The following TRIM14 variants were observed in gnomAD, a reference collection of about 807,000 sequenced individuals.
The protein encoded by TRIM14 is tripartite motif containing 14.
TRIM14 carries 28 observed loss-of-function variants against 44.5 expected under a neutral mutation model. The ratio of observed to expected loss-of-function variants is 0.63; its 90% CI spans 0.47 to 0.86. The LOEUF (loss-of-function observed/expected upper bound fraction) is 0.86. TRIM14 is among the 40% of genes least tolerant of loss of function. The pLI is 0.00. For synonymous variants in TRIM14, 299 were observed against 269.2 expected, an observed-to-expected ratio of 1.11 and a Z score of -1.08; for missense variants, 607 against 611.1, an observed-to-expected ratio of 0.99 and a Z score of 0.07.
intron 2 of TRIM14, among the ~76,000 whole-genome samples, chr9:98,104,174 G>A (rs1398259860): frequency 6.6e-6 from 1 of 152,186 alleles, no homozygotes; most frequent in Non-Finnish European, 1.5e-5. Flanking sequence ...CATTTTTATG[G>A]TTGCAATGGG....
the TRIM14 span, among the ~76,000 whole-genome samples, chr9:98,049,295 T>C: frequency 1.6e-5 from 2 of 128,076 alleles, no homozygotes; most frequent in African/African-American, 3.2e-5. Flanking sequence ...TGAGCCAAGA[T>C]TGCACCACTA....
At chr9:98,069,867 G>A (rs1007588247) in intron 6 of TRIM14, among the ~76,000 whole-genome samples, 2 of 152,128 alleles carry the variant, frequency 1.3e-5, no homozygotes, top group African/African-American at 4.8e-5. Flanking sequence ...GGGTAAAATT[G>A]CATATAATTA....
At chr9:98,065,176 C>T (rs1174988944), downstream of TRIM14, among the ~76,000 whole-genome samples, 1 of 152,158 alleles carries the variant, frequency 6.6e-6, no homozygotes, top group Non-Finnish European at 1.5e-5. Flanking sequence ...GGCGTACTCA[C>T]AGCCCAGGAG....
At chr9:98,102,422 A>G (rs928575760) in intron 2 of TRIM14, among the ~76,000 whole-genome samples, 5 of 152,186 alleles carry the variant, frequency 3.3e-5, no homozygotes, top group Non-Finnish European at 4.4e-5. Flanking sequence ...ATTTGGCACA[A>G]TTTTCAATAT....
At position 98,100,183 on chromosome 9, in the gene TRIM14, G is replaced by T. The variant is rs1238550456; in HGVS notation, c.304-19C>A. On this transcript the variant is annotated intron_variant, in intron 2 of 5. Coordinates refer to ENST00000341469, the MANE Select transcript of TRIM14 (RefSeq NM_014788.4). Reference sequence around the variant, plus strand: ...CATTAGCCTAAAAACAGAAAAACCAGTTGCAGATGACATGTCTGCCAACCA... The same window carrying T: ...CATTAGCCTAAAAACAGAAAAACCATTTGCAGATGACATGTCTGCCAACCA... The T allele has an allele frequency of 6.2e-7, 1 of 1,604,790 alleles. No homozygotes were observed. The highest frequency in any genetic ancestry group is 8.5e-7 in the Non-Finnish European group (1 of 1,171,802).
intron 2 of TRIM14, among the ~76,000 whole-genome samples, chr9:98,102,380 C>A (rs1051357543): frequency 6.6e-6 from 1 of 152,202 alleles, no homozygotes; most frequent in African/African-American, 2.4e-5. Flanking sequence ...TTCCCCTGTG[C>A]ACCAGCCTCA....
At chr9:98,037,313 G>A in the TRIM14 span, among the ~76,000 whole-genome samples, 1 of 152,222 alleles carries the variant, frequency 6.6e-6, no homozygotes, top group African/African-American at 2.4e-5. Context: ...AGGAGGTGGA[G>A]GTTGCAGTGA....
chr9:98,072,136 C>T (rs1177794533), intron 6 of TRIM14, among the ~76,000 whole-genome samples: 1 of 152,152 alleles, frequency 6.6e-6, no homozygotes, highest in African/African-American at 2.4e-5. Flanking sequence ...TTGGGCTCCT[C>T]ATGTAACCTT....
chr9:98,050,173 G>T, the TRIM14 span, among the ~76,000 whole-genome samples: 1 of 152,222 alleles, frequency 6.6e-6, no homozygotes, highest in Non-Finnish European at 1.5e-5. Flanking sequence ...GCTACAGTCT[G>T]TTTACATCTC....
chr9:98,111,893 A>G (rs531070686), intron 1 of TRIM14, among the ~76,000 whole-genome samples: 1 of 152,268 alleles, frequency 6.6e-6, no homozygotes, highest in South Asian at 2.1e-4. Flanking sequence ...AGCCAAGATC[A>G]CACCATTGCA....
chr9:98,045,140 C>T, the TRIM14 span, among the ~76,000 whole-genome samples: 2 of 151,890 alleles, frequency 1.3e-5, no homozygotes, highest in Non-Finnish European at 2.9e-5. Flanking sequence ...AATGCACCTC[C>T]GAACTAGAAG....
At chr9:98,061,127 T>A in the TRIM14 span, 1 of 828,724 alleles carries the variant, frequency 1.2e-6, no homozygotes, top group Non-Finnish European at 1.9e-6. Flanking sequence ...CTGGAGAGGC[T>A]AGCAGGCGCC....
intron 2 of TRIM14, among the ~76,000 whole-genome samples, chr9:98,105,344 T>A (rs150939140): frequency 1.8e-3 from 281 of 152,346 alleles, no homozygotes; most frequent in African/African-American, 6.4e-3. Flanking sequence ...CCCCGCCGAC[T>A]GCATTTTCAG....
rs778572754 is a variant in TRIM14, at chr9:98,100,071, T to C, written c.397A>G (p.Ile133Val). 1.2e-6 allele frequency: 2 copies of C among 1,614,242 alleles called. No individual in the cohort carries two copies. The highest frequency in any genetic ancestry group is 2.2e-5 in the South Asian group (2 of 91,090). ...AGGGTAAGCTGCGTGTTTTTATCAA[T>C]GAATTTCTTGGCCAGCGCTTCCTCT... ...DEEEALAKKFIDKNTQLTLQV... is the reference protein window; with the variant it reads ...DEEEALAKKFVDKNTQLTLQV... Residue 133 changes from isoleucine (I) to valine (V), a missense_variant, in exon 3 of 6, where the codon ATT becomes GTT. This residue lies in a region of TRIM14 where 246 missense variants were observed against 270.8 expected (regional missense o/e 0.91). Transcript: ENST00000341469.
At chr9:98,072,704 C>T (rs547554229) in intron 6 of TRIM14, among the ~76,000 whole-genome samples, 19 of 152,160 alleles carry the variant, frequency 1.2e-4, no homozygotes, top group African/African-American at 3.6e-4. Flanking sequence ...CCACCGTGCC[C>T]GGCAGGAAAG....
At chr9:98,106,626 A>G (rs1205447787) in intron 2 of TRIM14, among the ~76,000 whole-genome samples, 1 of 152,220 alleles carries the variant, frequency 6.6e-6, no homozygotes, top group African/African-American at 2.4e-5. Context: ...GTGTTAGTCT[A>G]ACAAAACATA....
At chr9:98,096,964 T>C (rs1022418920) in intron 3 of TRIM14, among the ~76,000 whole-genome samples, 1 of 152,120 alleles carries the variant, frequency 6.6e-6, no homozygotes, top group Non-Finnish European at 1.5e-5. Flanking sequence ...GAGGCCAAGG[T>C]GGGCAGATCA....
rs369293667 is a variant in TRIM14, at chr9:98,087,711, C to A, written c.1088G>T (p.Cys363Phe). The A allele has an allele frequency of 4.4e-5, 70 of 1,597,112 alleles. No homozygotes were observed. The highest frequency in any genetic ancestry group is 5.8e-5 in the Non-Finnish European group (68 of 1,177,830). The change falls in exon 6 of 6, where the codon TGC becomes TTC. Residue 363 changes from cysteine (C) to phenylalanine (F), a missense_variant. Physicochemically the swap from Cys to Phe is radical, Grantham distance 205. Coordinates refer to ENST00000341469, the MANE Select transcript of TRIM14 (RefSeq NM_014788.4). The stretch of plus-strand genomic sequence containing the variant: ...GTACTCAAGGTCGTAGCGCTTGAGG[C>A]ACCAGGACTGGCGGTTGCAGCCCAG... ...ARLGCNRQSW[C>F]LKRYDLEYWA...
At chr9:98,048,881 C>T in the TRIM14 span, among the ~76,000 whole-genome samples, 2 of 151,960 alleles carry the variant, frequency 1.3e-5, no homozygotes, top group South Asian at 2.1e-4. Context: ...ATTAGCCAGG[C>T]GTGGTGGCGG....
Sources: allele counts gnomAD v4.1 joint callset (sites outside exome capture counted in the v4.1 genomes callset), GRCh38; gene constraint gnomAD v4.1.1; regional missense constraint gnomAD v4.1.1; transcripts MANE v1.5; gene names NCBI Gene and HGNC (gene_info 2026-07-23, HGNC 2026-07-21).